ITGA1: variants seen among roughly 807,000 people sequenced by gnomAD.
ITGA1 encodes integrin alpha-1.
ITGA1 carries 85 observed loss-of-function variants against 145.9 expected under a neutral mutation model. The observed-to-expected ratio is 0.58, with a 90% CI of 0.49 to 0.70. The LOEUF (loss-of-function observed/expected upper bound fraction) is 0.70. ITGA1 is among the 30% of genes least tolerant of loss of function. The pLI is 0.00. For synonymous variants in ITGA1, 520 were observed against 495.3 expected, an observed-to-expected ratio of 1.05 and a Z score of -0.66; for missense variants, 1,351 against 1,418.7, an observed-to-expected ratio of 0.95 and a Z score of 0.77.
At chr5:52,938,092 T>C (rs1375100902) in intron 24 of ITGA1, among the ~76,000 whole-genome samples, 1 of 152,222 alleles carries the variant, frequency 6.6e-6, no homozygotes, top group Non-Finnish European at 1.5e-5. Flanking sequence ...TAGGGAGATT[T>C]AGGCATATCT....
At chr5:52,937,553 A>T in intron 24 of ITGA1, 39 bp downstream of exon 24, 2 of 1,215,572 alleles carry the variant, frequency 1.6e-6, no homozygotes, top group Non-Finnish European at 2.4e-6. Context: ...CATTACTGTT[A>T]TCTTTTCCAC....
rs1750571417 is a variant in ITGA1, at chr5:52,912,382, T to A, written c.1857+1963T>A. ...TATAGTGTATCCAGTATATGTATTA[T>A]ATATAGTGTATCCAGTGTATGTATT... On this transcript the variant is annotated intron_variant, in intron 14 of 28. Transcript: ENST00000282588. 2.1e-5 allele frequency among the ~76,000 whole-genome samples: 3 copies of A among 146,294 alleles called. No homozygotes were observed. The South Asian group carries it at 6.5e-4, about 32-fold the overall frequency.
At chr5:52,852,960 C>G (rs1299452461) in intron 2 of ITGA1, among the ~76,000 whole-genome samples, 1 of 152,172 alleles carries the variant, frequency 6.6e-6, no homozygotes, top group Non-Finnish European at 1.5e-5. Flanking sequence ...TCTCTACACT[C>G]AGTCTTGTGC....
At position 52,910,350 on chromosome 5, in the gene ITGA1, A is replaced by G; in HGVS notation, c.1788A>G (p.Glu596=). ...FNDIVIGAPL[E]DDHGGAVYIY... ...ACATCGTGATAGGAGCTCCGCTGGA[A>G]GATGATCACGGGGGAGCTGTGTACA... The change falls in exon 14 of 29, where the codon GAA becomes GAG. Residue 596 remains glutamate (E), a synonymous_variant. Transcript: ENST00000282588. The G allele has an allele frequency of 1.9e-6, 3 of 1,613,944 alleles. No individual in the cohort carries two copies. Among genetic ancestry groups the G allele is most frequent in the Non-Finnish European group, 2.5e-6 (3 of 1,179,860 alleles).
rs1749508817 is a variant in ITGA1 at position 52,856,134 on chromosome 5, C to G, written c.183-5313C>G. On this transcript the variant is annotated intron_variant, in intron 2 of 28. Transcript: ENST00000282588. ...AGACCTTTTCCTCCAGAGCCAAATG[C>G]TTGCCAAATCTCAAGCTCTCTGTTC... Among the ~76,000 whole-genome samples, 3 of 152,144 alleles carry G rather than the reference C, an allele frequency of 2.0e-5. No homozygotes were observed. The South Asian group carries it at 6.2e-4, about 32-fold the overall frequency.
intron 1 of ITGA1, among the ~76,000 whole-genome samples, chr5:52,826,164 T>G (rs1748958979): frequency 6.6e-6 from 1 of 152,112 alleles, no homozygotes; most frequent in African/African-American, 2.4e-5. Context: ...AGTGAACACA[T>G]GAATGATAAG....
At chr5:52,865,160 A>AT (rs1441628824) in intron 5 of ITGA1, 78 bp downstream of exon 5, 1 of 1,031,808 alleles carries the variant, frequency 9.7e-7, no homozygotes, top group Non-Finnish European at 1.4e-6. Context: ...AAAGGAACAT[A>AT]CCAAAAAGCT....
chr5:52,914,505 G>A (rs1429244286), intron 14 of ITGA1, among the ~76,000 whole-genome samples: 5 of 151,864 alleles, frequency 3.3e-5, no homozygotes, highest in East Asian at 1.9e-4. Context: ...GCATGGTGGC[G>A]CGCACCTGTA....
chr5:52,929,284 C>A (rs1048939136), intron 20 of ITGA1, among the ~76,000 whole-genome samples: 1 of 152,124 alleles, frequency 6.6e-6, no homozygotes, highest in Non-Finnish European at 1.5e-5. Context: ...GGGTACTAAT[C>A]CCACTCATGA....
At chr5:52,858,447 TTCTC>T (rs1282871008) in intron 2 of ITGA1, among the ~76,000 whole-genome samples, 8 of 152,248 alleles carry the variant, frequency 5.3e-5, no homozygotes, top group Non-Finnish European at 1.5e-5. Context: ...ATAGTTGTGC[TTCTC>T]TCTCTAAGTT....
chr5:52,882,265 C>T (rs1749973094), intron 7 of ITGA1, among the ~76,000 whole-genome samples: 1 of 152,044 alleles, frequency 6.6e-6, no homozygotes, highest in Non-Finnish European at 1.5e-5. Flanking sequence ...TTTAAAATAT[C>T]ACTGCATCTA....
chr5:52,811,887 C>T (rs553309625), intron 1 of ITGA1, among the ~76,000 whole-genome samples: 17 of 152,132 alleles, frequency 1.1e-4, no homozygotes, highest in Non-Finnish European at 2.2e-4. Flanking sequence ...TCAAACCAGG[C>T]GGCACCAATC....
Position 52,897,467 on chromosome 5 carries a change from A to G in ITGA1, c.1103A>G (p.Gln368Arg). 6.2e-7 allele frequency: 1 copy of G among 1,610,906 alleles called. No individual in the cohort carries two copies. ...RIFALEATAD[Q>R]SAASFEMEMS... ...TCCTATGTTATAGCCACAGCTGACC[A>G]GTCAGCAGCTTCATTTGAAATGGAA... is the stretch of plus-strand genomic sequence containing the variant. The change falls in exon 10 of 29, where the codon CAG becomes CGG. Residue 368 changes from glutamine to arginine, a missense_variant. Physicochemically the swap from Gln to Arg is conservative, Grantham distance 43 (BLOSUM62 1). Transcript: ENST00000282588.
chr5:52,806,957 A>T (rs1748597628), intron 1 of ITGA1, among the ~76,000 whole-genome samples: 1 of 152,196 alleles, frequency 6.6e-6, no homozygotes, highest in Non-Finnish European at 1.5e-5. Context: ...TTCAGATTTC[A>T]GTGCTAAGGA....
chr5:52,810,726 C>A (rs1748671648), intron 1 of ITGA1, among the ~76,000 whole-genome samples: 1 of 151,992 alleles, frequency 6.6e-6, no homozygotes, highest in Non-Finnish European at 1.5e-5. Flanking sequence ...GTAAATTTCT[C>A]ACTCTGGGCC....
intron 2 of ITGA1, among the ~76,000 whole-genome samples, chr5:52,850,520 A>G (rs1286942124): frequency 6.6e-6 from 1 of 152,194 alleles, no homozygotes; most frequent in East Asian, 1.9e-4. Flanking sequence ...AGAGATTTAT[A>G]TCTACTTGGA....
chr5:52,912,754 A>ATTTTT (rs10657085), intron 14 of ITGA1, among the ~76,000 whole-genome samples: 3 of 139,422 alleles, frequency 2.2e-5, no homozygotes, highest in South Asian at 4.5e-4. Flanking sequence ...ATATATATAT[A>ATTTTT]TTTTTTTTTT....
chr5:52,918,790 A>G lies in ITGA1; in HGVS notation c.2047A>G (p.Ile683Val). Residue 683 changes from isoleucine (I) to valine (V), a missense_variant, in exon 16 of 29, where the codon ATT (isoleucine) becomes GTT (valine). Physicochemically the swap from Ile to Val is conservative, Grantham distance 29. Transcript: ENST00000282588. ...GAATTTTGAGCCAAATAAAGTGAAT[A>G]TTCAAAAGAAAAACTGCCATATGGA... ...TMNFEPNKVN[I>V]QKKNCHMEGK... is the part of the protein sequence containing the mutation. The G allele has an allele frequency of 6.2e-7, 1 of 1,612,772 alleles. No homozygotes were observed. The highest frequency in any genetic ancestry group is 1.1e-5 in the South Asian group (1 of 90,680).
At chr5:52,868,948 A>G (rs1749732627) in intron 6 of ITGA1, among the ~76,000 whole-genome samples, 1 of 152,176 alleles carries the variant, frequency 6.6e-6, no homozygotes, top group African/African-American at 2.4e-5. Flanking sequence ...GCTCTATGCT[A>G]TAGCTTGGGT....
Sources: allele counts gnomAD v4.1 joint callset (sites outside exome capture counted in the v4.1 genomes callset), GRCh38; gene constraint gnomAD v4.1.1; transcripts MANE v1.5; gene names NCBI Gene and HGNC (gene_info 2026-07-23, HGNC 2026-07-21).